The following ANXA4 variants were observed in gnomAD, a reference collection of about 807,000 sequenced individuals.
The protein encoded by ANXA4 is annexin A4, also known as 35-beta calcimedin.
In ANXA4, 39 loss-of-function variants were observed where a neutral mutation model predicts 49.8. The observed-to-expected ratio is 0.78, with a 90% confidence interval of 0.61 to 1.02. The LOEUF is 1.02. Ranked by LOEUF, ANXA4 falls within the 50% of genes least tolerant of loss-of-function variation. The pLI is 0.00. For missense variants in ANXA4, 360 were observed against 410.1 expected, an observed-to-expected ratio of 0.88 and a Z score of 1.05; for synonymous variants, 134 against 152.5, an observed-to-expected ratio of 0.88 and a Z score of 0.89.
In ANXA4 at chr2:69,763,733, T is replaced by G. The variant is rs991634752; in HGVS notation, c.-46-17787T>G. On this transcript the variant is annotated intron_variant, in intron 1 of 12. Transcript: ENST00000394295. ...GCTGGAGTGCAGTGGCGTGATCTCG[T>G]CTCACTGCAACCTCCGCCTCCTGGG... is the stretch of plus-strand genomic sequence containing the variant. Among the ~76,000 whole-genome samples, 14 of 150,980 alleles carry G rather than the reference T, an allele frequency of 9.3e-5. No individual in the cohort carries two copies. In the East Asian group the frequency reaches 2.6e-3, roughly 28 times the overall value.
intron 1 of ANXA4, among the ~76,000 whole-genome samples, chr2:69,652,790 C>T (rs1033410923): frequency 7.9e-5 from 12 of 152,106 alleles, no homozygotes; most frequent in African/African-American, 2.4e-4. Flanking sequence ...ACCCAGGATG[C>T]GGAGGTTGTG....
intron 1 of ANXA4, among the ~76,000 whole-genome samples, chr2:69,757,490 G>A (rs1228207321): frequency 7.1e-6 from 1 of 140,654 alleles, no homozygotes; most frequent in African/African-American, 2.7e-5. Context: ...AGCCAAGATG[G>A]TCTCGATCTC....
intron 2 of ANXA4, among the ~76,000 whole-genome samples, chr2:69,706,097 A>T (rs1437466769): frequency 6.6e-6 from 1 of 151,926 alleles, no homozygotes; most frequent in East Asian, 1.9e-4. Context: ...TTAAAGTATG[A>T]TGCTGAATTT....
At chr2:69,681,469 A>G (rs1483323106) in intron 2 of ANXA4, among the ~76,000 whole-genome samples, 2 of 151,584 alleles carry the variant, frequency 1.3e-5, no homozygotes, top group African/African-American at 2.4e-5. Context: ...GATTCAAGCA[A>G]TTCTCCTGCC....
intron 1 of ANXA4, among the ~76,000 whole-genome samples, chr2:69,647,424 T>C (rs866632510): frequency 4.7e-4 from 49 of 104,250 alleles, no homozygotes; most frequent in African/African-American, 2.0e-3. Flanking sequence ...TTATTTATTT[T>C]TTGAGACAGA....
intron 2 of ANXA4, among the ~76,000 whole-genome samples, chr2:69,718,307 T>C (rs1481363622): frequency 1.3e-5 from 2 of 152,176 alleles, no homozygotes; most frequent in Non-Finnish European, 2.9e-5. Context: ...CACTGGGAGA[T>C]GGATTGCAAT....
chr2:69,772,401 C>T (rs1008589210), intron 1 of ANXA4, among the ~76,000 whole-genome samples: 4 of 152,176 alleles, frequency 2.6e-5, no homozygotes, highest in Non-Finnish European at 5.9e-5. Context: ...CATGGCACTG[C>T]GAGGCAGGTG....
At position 69,647,716 on chromosome 2, in the gene ANXA4, A is replaced by T. The variant is rs79265035; in HGVS notation, n.481+2811A>T. On this transcript the variant is annotated intron_variant and non_coding_transcript_variant, in intron 1 of 3. Coordinates refer to the ANXA4 transcript ENST00000418066. ...GAGCCACCACGCCCAGCCACTTTTT[A>T]AAAAAAATAATTATATAAAAAATAG... Among the ~76,000 whole-genome samples the T allele has an allele frequency of 1.0e-3, 145 of 141,326 alleles. 1 individual carries two copies. Among genetic ancestry groups the T allele is most frequent in the South Asian group, 3.1e-3 (13 of 4,240 alleles). The allele number at this position is 141,326 out of a possible 152,430, so 92.7% of individuals were successfully genotyped here. A position where few individuals can be genotyped will look rare whatever the true frequency, so the allele number is the denominator to read the frequency against.
chr2:69,737,443 T>C (rs1670273499), upstream of ANXA4, among the ~76,000 whole-genome samples: 2 of 152,218 alleles, frequency 1.3e-5, 1 homozygote, highest in African/African-American at 4.8e-5. Flanking sequence ...TATCCTTTCT[T>C]ATTTCTTTCC....
chr2:69,666,041 A>G (rs942258156), intron 2 of ANXA4, among the ~76,000 whole-genome samples: 2 of 152,142 alleles, frequency 1.3e-5, no homozygotes, highest in Admixed American at 1.3e-4. Flanking sequence ...TGTCTCTACA[A>G]AAAATACAAA....
chr2:69,812,322 C>T (rs561282126), intron 7 of ANXA4, among the ~76,000 whole-genome samples: 2 of 152,166 alleles, frequency 1.3e-5, no homozygotes, highest in East Asian at 3.9e-4. Context: ...GTTAGGAAGG[C>T]ATGAGTCAGC....
At chr2:69,701,686 C>G (rs535291627) in intron 2 of ANXA4, among the ~76,000 whole-genome samples, 5 of 152,216 alleles carry the variant, frequency 3.3e-5, no homozygotes, top group African/African-American at 1.2e-4. Context: ...TTTCCCCCAC[C>G]CTCACCAATC....
At chr2:69,649,353 C>G (rs1182063213) in intron 1 of ANXA4, among the ~76,000 whole-genome samples, 1 of 151,932 alleles carries the variant, frequency 6.6e-6, no homozygotes, top group African/African-American at 2.4e-5. Context: ...ACATTTTGAT[C>G]AATTTCCTTT....
Position 69,804,647 on chromosome 2 carries a change from G to A in ANXA4, c.192+20G>A. The stretch of plus-strand genomic sequence containing the variant: ...GGCAGGGTAGGCCACAGTCTTTCCT[G>A]CTCTGTCTGGCTGACTTCGCAGCAA... On this transcript the variant is annotated intron_variant, in intron 4 of 12. Transcript: ENST00000394295. 3.8e-6 allele frequency: 6 copies of A among 1,593,562 alleles called. No individual in the cohort carries two copies. The highest frequency in any genetic ancestry group is 5.1e-6 in the Non-Finnish European group (6 of 1,166,970).
At chr2:69,707,562 G>A (rs768344761) in intron 2 of ANXA4, among the ~76,000 whole-genome samples, 10 of 151,990 alleles carry the variant, frequency 6.6e-5, no homozygotes, top group African/African-American at 1.9e-4. Context: ...GTTGTTCTTC[G>A]CATGTATTTA....
chr2:69,723,643 T>C (rs951915685), intron 3 of ANXA4, among the ~76,000 whole-genome samples: 2 of 152,254 alleles, frequency 1.3e-5, no homozygotes, highest in African/African-American at 2.4e-5. Flanking sequence ...TTATGCCGTT[T>C]ATCTATAACT....
chr2:69,814,823 C>G (rs1673909592), intron 8 of ANXA4: 1 of 146,610 alleles, frequency 6.8e-6, no homozygotes, highest in African/African-American at 2.6e-5. Context: ...TGGAGTTGGG[C>G]AAGTACCAGG....
chr2:69,675,186 T>C (rs747164279), intron 2 of ANXA4, among the ~76,000 whole-genome samples: 1 of 152,184 alleles, frequency 6.6e-6, no homozygotes, highest in Non-Finnish European at 1.5e-5. Flanking sequence ...CCTCCCAAAG[T>C]GCTGGGATTA....
At chr2:69,693,572 T>C (rs1678047631) in intron 2 of ANXA4, among the ~76,000 whole-genome samples, 1 of 152,048 alleles carries the variant, frequency 6.6e-6, no homozygotes, top group African/African-American at 2.4e-5. Flanking sequence ...CTCTGGGGAT[T>C]CCAGAGGACA....
Sources: allele counts gnomAD v4.1 joint callset (sites outside exome capture counted in the v4.1 genomes callset), GRCh38; gene constraint gnomAD v4.1.1; transcripts MANE v1.5; gene names NCBI Gene and HGNC (gene_info 2026-07-23, HGNC 2026-07-21).